UBE2O: variants seen among roughly 807,000 people sequenced by gnomAD.
UBE2O encodes the protein (E3-independent) E2 ubiquitin-conjugating enzyme.
Under a neutral mutation model 125.8 loss-of-function variants are expected in UBE2O, and 15 were observed. The observed-to-expected ratio is 0.12, with a 90% confidence interval of 0.08 to 0.18. UBE2O has a LOEUF of 0.18. Ranked by LOEUF, UBE2O falls within the 10% of genes least tolerant of loss-of-function variation. UBE2O has a pLI of 1.00. For synonymous variants in UBE2O, 708 were observed against 703.2 expected, an observed-to-expected ratio of 1.01 and a Z score of -0.11; for missense variants, 1,280 against 1,723.6, an observed-to-expected ratio of 0.74 and a Z score of 4.56.
chr17:76,400,467 A>G lies in UBE2O; in HGVS notation c.978T>C (p.Ser326=), dbSNP rs1266664424. ...TGCCTAGGTTTTCCTGGGTGATGAC[A>G]GAGGGTGGGGGGCTGACGCTGTCCG... The part of the protein sequence containing the change: ...GGTDSVSPPP[S]VITQENLGRV... Residue 326 remains serine (S), a synonymous_variant, in exon 7 of 18, where the codon TCT becomes TCC. Coordinates refer to ENST00000319380, the MANE Select transcript of UBE2O (RefSeq NM_022066.4). The surrounding 1 kb of genome is among the most constrained non-coding windows in gnomAD (Gnocchi z 4.3). 2 of 1,612,606 alleles carry G rather than the reference A, an allele frequency of 1.2e-6. No homozygotes were observed. Among genetic ancestry groups the G allele is most frequent in the Admixed American group, 1.7e-5 (1 of 59,786 alleles).
chr17:76,405,376 A>T lies in UBE2O; in HGVS notation c.478-60T>A, dbSNP rs2072397590. The T allele has an allele frequency of 1.0e-5, 16 of 1,539,742 alleles. 1 individual carries two copies. The South Asian group carries it at 1.8e-4, about 18-fold the overall frequency. ...GCAGCAGCCCTGGTCACCAGGGGAG[A>T]CCCAGCCCAGGCAACCCCAGCGCAC... On this transcript the variant is annotated intron_variant, in intron 2 of 17. Transcript: ENST00000319380. This position sits in a 1 kb window ranked among gnomAD's most constrained non-coding sequence, Gnocchi z 6.1.
chr17:76,390,744 G>C lies in UBE2O; in HGVS notation c.*199C>G, dbSNP rs1253964399. On this transcript the variant is annotated 3_prime_UTR_variant, in exon 18 of 18. Transcript: ENST00000319380. ...CTTTGCCACAGGGGACCCGCCTGTTGAAAGCTCGCTTCAAAATAGAAACGG... is the reference window on the plus strand; with the variant it reads ...CTTTGCCACAGGGGACCCGCCTGTTCAAAGCTCGCTTCAAAATAGAAACGG... The C allele has an allele frequency of 7.9e-6, 4 of 505,758 alleles. No individual in the cohort carries two copies. The highest frequency in any genetic ancestry group is 1.3e-5 in the Non-Finnish European group (4 of 296,514). 31.3% of individuals were successfully genotyped at this position (505,758 alleles called of 1,614,324 possible).
At position 76,394,352 on chromosome 17, in the gene UBE2O, G is replaced by T. The variant is rs1238787455; in HGVS notation, c.2946+1373C>A. 2.0e-5 allele frequency among the ~76,000 whole-genome samples: 3 copies of T among 152,208 alleles called. No individual in the cohort carries two copies. In the East Asian group the frequency reaches 5.8e-4, roughly 29 times the overall value. On this transcript the variant is annotated intron_variant, in intron 15 of 17. Coordinates refer to ENST00000319380, the MANE Select transcript of UBE2O (RefSeq NM_022066.4). ...AGTCAACAAGGTGGCAGGCAAACGG[G>T]CTTGCCTGTTCCGGAAGGATGCACT...
chr17:76,407,214 A>T (rs1297897163), intron 1 of UBE2O, among the ~76,000 whole-genome samples: 1 of 152,158 alleles, frequency 6.6e-6, no homozygotes, highest in African/African-American at 2.4e-5. Flanking sequence ...GGCAGCTGTG[A>T]TCACTGGCCC....
At position 76,396,097 on chromosome 17, in the gene UBE2O, G is replaced by A. The variant is rs765844618; in HGVS notation, c.2809+31C>T. 8 of 1,604,684 alleles carry A rather than the reference G, an allele frequency of 5.0e-6. No homozygotes were observed. Among genetic ancestry groups the A allele is most frequent in the Non-Finnish European group, 6.8e-6 (8 of 1,174,840 alleles). ...AAACAGGAGCCCCGAGAAGGCGGGG[G>A]AAGGCGAAGACCAGGCAAGGGCTGA... On this transcript the variant is annotated intron_variant, in intron 14 of 17. Coordinates refer to ENST00000319380, the MANE Select transcript of UBE2O (RefSeq NM_022066.4). This position sits in a 1 kb window ranked among gnomAD's most constrained non-coding sequence, Gnocchi z 6.7.
chr17:76,396,664 G>C lies in UBE2O; in HGVS notation c.2273C>G (p.Pro758Arg). ...VEDEHPKIEE[P>R]PIPPLEQPVA... ...CGGCTGCTCCAGGGGTGGGATGGGG[G>C]GCTCCTCTATCTTGGGGTGCTCGTC... Residue 758 changes from proline (P) to arginine (R), a missense_variant, in exon 14 of 18, where the codon CCC becomes CGC. By Grantham distance (103) the Pro-to-Arg change is moderately radical (BLOSUM62 -2). This residue lies in a region of UBE2O where 210 missense variants were observed against 268.9 expected (regional missense o/e 0.78). Coordinates refer to ENST00000319380, the MANE Select transcript of UBE2O (RefSeq NM_022066.4). This position sits in a 1 kb window ranked among gnomAD's most constrained non-coding sequence, Gnocchi z 6.7. 1 of 1,613,596 alleles carries C rather than the reference G, an allele frequency of 6.2e-7. No homozygotes were observed. Among genetic ancestry groups the C allele is most frequent in the South Asian group, 1.1e-5 (1 of 91,068 alleles).
At chr17:76,392,330 G>GTC (rs2072127483) in intron 15 of UBE2O, among the ~76,000 whole-genome samples, 1 of 151,934 alleles carries the variant, frequency 6.6e-6, no homozygotes, top group African/African-American at 2.4e-5. Context: ...TTGAGACAGG[G>GTC]TCTTGCTGTG....
Position 76,400,914 on chromosome 17 carries a change from G to T in UBE2O, c.894+97C>A. ...ACAGGGTCCAGATGCTGAGGAGCGG[G>T]GCTCAACCCTCAAGAGCAGGAAGGA... is the stretch of plus-strand genomic sequence containing the variant. On this transcript the variant is annotated intron_variant, in intron 6 of 17. Transcript: ENST00000319380. The surrounding 1 kb of genome is among the most constrained non-coding windows in gnomAD (Gnocchi z 4.3). 6.9e-7 allele frequency: 1 copy of T among 1,441,352 alleles called. No homozygotes were observed. Among genetic ancestry groups the T allele is most frequent in the Non-Finnish European group, 9.5e-7 (1 of 1,057,212 alleles). 89.3% of individuals were successfully genotyped at this position (1,441,352 alleles called of 1,614,324 possible).
At chr17:76,430,951 C>T (rs1021261662) in intron 1 of UBE2O, 8 of 342,354 alleles carry the variant, frequency 2.3e-5, no homozygotes, top group Non-Finnish European at 4.0e-5. Context: ...GCCTAGATTC[C>T]TTGTGGTAGT....
intron 1 of UBE2O, among the ~76,000 whole-genome samples, chr17:76,436,244 C>G (rs2143869291): frequency 6.6e-6 from 1 of 152,130 alleles, no homozygotes; most frequent in African/African-American, 2.4e-5. Flanking sequence ...CAAACTCCAT[C>G]TCAAAAATTA....
intron 1 of UBE2O, among the ~76,000 whole-genome samples, chr17:76,408,479 CCA>C (rs1446813529): frequency 6.6e-6 from 1 of 152,186 alleles, no homozygotes; most frequent in Admixed American, 6.5e-5. Context: ...CAGTTTGGCT[CCA>C]GAGTCCATTC....
Position 76,452,852 on chromosome 17 carries a change from CCGCGGCCCT to C in UBE2O, c.281_289del (p.Glu94_Arg96del). The stretch of plus-strand genomic sequence containing the variant: ...CCCGGCCTCGGAGCACCCCGAGCTC[CCGCGGCCCT>C]CCTCCTCGCCCTCCGAGTCCGAGTC... On this transcript the variant is annotated inframe_deletion, in exon 1 of 18. Transcript: ENST00000319380. This position sits in a 1 kb window ranked among gnomAD's most constrained non-coding sequence, Gnocchi z 4.4. 1 of 1,503,770 alleles carries C rather than the reference CCGCGGCCCT, an allele frequency of 6.6e-7. No individual in the cohort carries two copies. 93.2% of individuals were successfully genotyped at this position (1,503,770 alleles called of 1,614,324 possible).
intron 1 of UBE2O, chr17:76,431,194 G>C (rs890563593): frequency 2.5e-5 from 4 of 157,032 alleles, no homozygotes; most frequent in African/African-American, 9.6e-5. Flanking sequence ...TATACAACTA[G>C]ATCTGAAGAT....
chr17:76,399,039 G>C lies in UBE2O; in HGVS notation c.1629-48C>G. On this transcript the variant is annotated intron_variant, in intron 9 of 17. Coordinates refer to ENST00000319380, the MANE Select transcript of UBE2O (RefSeq NM_022066.4). The surrounding 1 kb of genome is among the most constrained non-coding windows in gnomAD (Gnocchi z 6.9). ...AGGCCATGCAAACCCCACCCCCTCCGCGGAAAGGGCAGAGAGTCTTTCTGT... is the reference window on the plus strand; with the variant it reads ...AGGCCATGCAAACCCCACCCCCTCCCCGGAAAGGGCAGAGAGTCTTTCTGT... 6.3e-7 allele frequency: 1 copy of C among 1,597,294 alleles called. No individual in the cohort carries two copies. The highest frequency in any genetic ancestry group is 2.2e-5 in the East Asian group (1 of 44,788).
chr17:76,445,259 A>AT (rs1048727447), intron 1 of UBE2O, among the ~76,000 whole-genome samples: 189 of 146,598 alleles, frequency 1.3e-3, no homozygotes, highest in African/African-American at 3.9e-3. Flanking sequence ...CAGTGTTTTA[A>AT]TTTTTTTTTT....
In UBE2O at chr17:76,451,951, G is replaced by A. The variant is rs185431376; in HGVS notation, c.417+774C>T. Among the ~76,000 whole-genome samples the A allele has an allele frequency of 3.5e-3, 533 of 152,236 alleles. 4 individuals are homozygous for A. The highest frequency in any genetic ancestry group is 0.012 in the African/African-American group (502 of 41,530). ...CCCAAAAACCATACGGGAGTCAGAT[G>A]TCTGCTTAACAGCTTCAGGTCAAGA... On this transcript the variant is annotated intron_variant, in intron 1 of 17. Coordinates refer to ENST00000319380, the MANE Select transcript of UBE2O (RefSeq NM_022066.4).
intron 1 of UBE2O, among the ~76,000 whole-genome samples, chr17:76,438,785 T>C (rs1485869658): frequency 6.6e-6 from 1 of 152,202 alleles, no homozygotes; most frequent in Non-Finnish European, 1.5e-5. Flanking sequence ...CTTCTTCCAC[T>C]GAATACGGAA....
chr17:76,449,136 T>C (rs2143928387), intron 1 of UBE2O, among the ~76,000 whole-genome samples: 1 of 152,380 alleles, frequency 6.6e-6, no homozygotes, highest in East Asian at 1.9e-4. Context: ...TGCTGCCCAG[T>C]CTCTTCATCT....
rs1179137617 is a variant in UBE2O at position 76,389,512 on chromosome 17, A to C, written c.*1431T>G. The C allele has an allele frequency of 7.0e-5, 8 of 113,992 alleles. No homozygotes were observed. The highest frequency in any genetic ancestry group is 2.1e-4 in the African/African-American group (8 of 37,910). 7.1% of individuals were successfully genotyped at this position (113,992 alleles called of 1,614,324 possible). On this transcript the variant is annotated 3_prime_UTR_variant, in exon 18 of 18. Transcript: ENST00000319380. The stretch of plus-strand genomic sequence containing the variant: ...CTTGTCTTGCTAATGAGCCAACACA[A>C]AAAAAAAAAAAAAAAAAAATGCAAG...
Sources: gnomAD v4.1 joint callset for allele counts (sites outside exome capture counted in the v4.1 genomes callset) on GRCh38, gnomAD v4.1.1 for gene constraint, gnomAD v4.1.1 regional missense constraint, Gnocchi (gnomAD v3.1) non-coding constraint, MANE v1.5 for transcripts, NCBI Gene and HGNC (gene_info 2026-07-23, HGNC 2026-07-21) for gene names.